Variants in QKI observed in about 807,000 individuals in gnomAD.
QKI encodes the protein QKI, KH domain containing RNA binding, also known as KH domain-containing RNA-binding protein QKI.
QKI carries 10 observed loss-of-function variants against 39.0 expected under a neutral mutation model. The ratio of observed to expected loss-of-function variants is 0.26; its 90% confidence interval spans 0.16 to 0.43. The LOEUF (loss-of-function observed/expected upper bound fraction) is 0.43. QKI is among the 20% of genes least tolerant of loss of function. The probability of loss-of-function intolerance (pLI) is 1.00; values close to 1 mark genes in which losing one functional copy is unlikely to be tolerated. For missense variants in QKI, 218 were observed against 428.0 expected, an observed-to-expected ratio of 0.51 and a Z score of 4.33; for synonymous variants, 204 against 155.4, an observed-to-expected ratio of 1.31 and a Z score of -2.33.
At chr6:163,436,651 T>C (rs573691092) in intron 1 of QKI, among the ~76,000 whole-genome samples, 1 of 151,878 alleles carries the variant, frequency 6.6e-6, no homozygotes, top group Admixed American at 6.6e-5. Context: ...CCATCTCTAC[T>C]AAAACTACAA....
At chr6:163,487,602 A>G (rs1208825850) in intron 3 of QKI, among the ~76,000 whole-genome samples, 1 of 150,444 alleles carries the variant, frequency 6.6e-6, no homozygotes, top group Admixed American at 6.7e-5. Context: ...CCAAACCTCC[A>G]TTTCTCTTTC....
chr6:163,512,599 T>TA (rs1427140944), intron 3 of QKI, among the ~76,000 whole-genome samples: 1 of 152,036 alleles, frequency 6.6e-6, no homozygotes, highest in Non-Finnish European at 1.5e-5. Flanking sequence ...AAAAACTCAG[T>TA]AAGAATAGAG....
intron 4 of QKI, among the ~76,000 whole-genome samples, chr6:163,536,511 T>A (rs1781221686): frequency 6.6e-6 from 1 of 152,148 alleles, no homozygotes. Context: ...TACACAAGGA[T>A]CTTTGATGCA....
intron 3 of QKI, among the ~76,000 whole-genome samples, chr6:163,524,460 A>G (rs1272097636): frequency 6.6e-6 from 1 of 151,382 alleles, no homozygotes; most frequent in Admixed American, 6.6e-5. Flanking sequence ...TTTCTGTTTA[A>G]TTTTCTTTTT....
At chr6:163,548,899 T>A (rs16895106) in intron 4 of QKI, among the ~76,000 whole-genome samples, 7,332 of 152,122 alleles carry the variant, frequency 0.048, 605 homozygotes, top group African/African-American at 0.17. Flanking sequence ...GTTATTTAAG[T>A]GGTAATATAG....
chr6:163,533,337 C>G (rs1382085340), intron 3 of QKI, among the ~76,000 whole-genome samples: 1 of 152,192 alleles, frequency 6.6e-6, no homozygotes, highest in Non-Finnish European at 1.5e-5. Context: ...TGGTTTCCCA[C>G]TTAGTTTGCA....
chr6:163,523,967 T>C (rs1241897938), intron 3 of QKI, among the ~76,000 whole-genome samples: 2 of 152,240 alleles, frequency 1.3e-5, no homozygotes, highest in Non-Finnish European at 2.9e-5. Context: ...TGAATTTGGA[T>C]AGAGTAGGGT....
chr6:163,415,044 G>T lies in QKI; in HGVS notation c.-150G>T. The T allele has an allele frequency of 2.4e-6, 2 of 822,568 alleles. No individual in the cohort carries two copies. The highest frequency in any genetic ancestry group is 2.9e-6 in the Non-Finnish European group (2 of 684,508). 51.0% of individuals were successfully genotyped at this position (822,568 alleles called of 1,614,324 possible). A position where few individuals can be genotyped will look rare whatever the true frequency, so the allele number is the denominator to read the frequency against. On this transcript the variant is annotated 5_prime_UTR_variant, in exon 1 of 8. Coordinates refer to ENST00000361752, the MANE Select transcript of QKI (RefSeq NM_006775.3). The stretch of plus-strand genomic sequence containing the variant: ...GCGAGCGCGCGGTGCCGGCCGCCCC[G>T]GGGCTCGGCGCGGGAGCCAGAGCGG...
intron 3 of QKI, among the ~76,000 whole-genome samples, chr6:163,514,321 A>G (rs1222601516): frequency 1.3e-5 from 2 of 152,194 alleles, no homozygotes; most frequent in Non-Finnish European, 2.9e-5. Flanking sequence ...AAAATCATGG[A>G]AAATGCAACA....
At position 163,573,530 on chromosome 6, in the gene QKI, C is replaced by A. The variant is rs1158225995; in HGVS notation, c.*2820C>A. The A allele has an allele frequency of 6.6e-6, 1 of 152,018 alleles. No homozygotes were observed. Among genetic ancestry groups the A allele is most frequent in the Non-Finnish European group, 1.5e-5 (1 of 67,980 alleles). 9.4% of individuals were successfully genotyped at this position (152,018 alleles called of 1,614,324 possible). A position where few individuals can be genotyped will look rare whatever the true frequency, so the allele number is the denominator to read the frequency against. ...TTTTATATGTATGTTATATAACATT[C>A]AAAAAGAATTTTTTTCTTGATTGAG... On this transcript the variant is annotated 3_prime_UTR_variant, in exon 8 of 8. Coordinates refer to ENST00000361752, the MANE Select transcript of QKI (RefSeq NM_006775.3).
At chr6:163,438,406 G>A (rs1428991211) in intron 1 of QKI, among the ~76,000 whole-genome samples, 2 of 152,148 alleles carry the variant, frequency 1.3e-5, no homozygotes, top group Non-Finnish European at 2.9e-5. Context: ...TAAAGACAGT[G>A]ATAGATTCTG....
chr6:163,462,442 A>G (rs903975401), intron 2 of QKI, among the ~76,000 whole-genome samples: 3 of 152,140 alleles, frequency 2.0e-5, no homozygotes, highest in Non-Finnish European at 4.4e-5. Flanking sequence ...TCATATTGGT[A>G]TAATATTTTC....
At chr6:163,481,544 C>G (rs867892683) in intron 3 of QKI, among the ~76,000 whole-genome samples, 1 of 152,036 alleles carries the variant, frequency 6.6e-6, no homozygotes, top group African/African-American at 2.4e-5. Context: ...TCATGTTCCC[C>G]GAAAAGGTTG....
chr6:163,424,051 T>C (rs1562418304), intron 1 of QKI, among the ~76,000 whole-genome samples: 1 of 152,242 alleles, frequency 6.6e-6, no homozygotes, highest in Non-Finnish European at 1.5e-5. Context: ...AGCTACTATA[T>C]CGTATTCCTG....
intron 3 of QKI, among the ~76,000 whole-genome samples, chr6:163,496,917 C>T (rs1481352410): frequency 6.6e-6 from 1 of 152,116 alleles, no homozygotes; most frequent in African/African-American, 2.4e-5. Context: ...CATCAACAGC[C>T]CTGACATGTT....
intron 4 of QKI, among the ~76,000 whole-genome samples, chr6:163,538,793 A>G (rs1391950719): frequency 6.6e-6 from 1 of 152,110 alleles, no homozygotes; most frequent in Admixed American, 6.6e-5. Context: ...AAGATCATGG[A>G]TTTTTTTGAA....
At chr6:163,556,986 A>G (rs1403479882) in intron 4 of QKI, among the ~76,000 whole-genome samples, 2 of 152,224 alleles carry the variant, frequency 1.3e-5, no homozygotes, top group Non-Finnish European at 2.9e-5. Context: ...ACTCATAGGT[A>G]TTTATCCAAG....
chr6:163,564,081 A>G (rs1297805033), intron 6 of QKI: 2 of 1,074,718 alleles, frequency 1.9e-6, no homozygotes. Context: ...TTTGAGATTT[A>G]TTTTATCTCA....
At chr6:163,514,960 C>G (rs1457614196) in intron 3 of QKI, among the ~76,000 whole-genome samples, 3 of 152,070 alleles carry the variant, frequency 2.0e-5, no homozygotes, top group African/African-American at 7.2e-5. Context: ...AAAAGACAAG[C>G]CACAGAGTGG....
Sources: gnomAD v4.1 joint callset for allele counts (sites outside exome capture counted in the v4.1 genomes callset) on GRCh38, gnomAD v4.1.1 for gene constraint, MANE v1.5 for transcripts, NCBI Gene and HGNC (gene_info 2026-07-23, HGNC 2026-07-21) for gene names.